SLC24A2: variants seen among roughly 807,000 people sequenced by gnomAD.
SLC24A2 encodes solute carrier family 24 member 2, also known as sodium/potassium/calcium exchanger 2.
In SLC24A2, 36 loss-of-function variants were observed where a neutral mutation model predicts 62.0. That is an observed-to-expected ratio of 0.58 (90% CI 0.44 to 0.77). SLC24A2 has a LOEUF of 0.77. SLC24A2 is among the 30% of genes least tolerant of loss of function. The probability of loss-of-function intolerance (pLI) is 0.00; values close to 1 mark genes in which losing one functional copy is unlikely to be tolerated. For missense variants in SLC24A2, 846 were observed against 817.9 expected (o/e 1.03, Z -0.42); for synonymous variants, 358 against 294.0 (o/e 1.22, Z -2.23).
chr9:20,016,109 G>A, the SLC24A2 span, among the ~76,000 whole-genome samples: 32 of 152,278 alleles, frequency 2.1e-4, no homozygotes, highest in African/African-American at 7.5e-4. Context: ...TGAACTATAA[G>A]AGGAATGTAT....
the SLC24A2 span, among the ~76,000 whole-genome samples, chr9:19,908,398 G>A: frequency 2.0e-5 from 3 of 151,986 alleles, no homozygotes; most frequent in Admixed American, 2.0e-4. Flanking sequence ...GAAAACCTAG[G>A]CAATACCATT....
At chr9:19,774,180 T>A (rs1469709789) in intron 2 of SLC24A2, among the ~76,000 whole-genome samples, 2 of 151,978 alleles carry the variant, frequency 1.3e-5, no homozygotes, top group Non-Finnish European at 2.9e-5. Flanking sequence ...CCAGGAGAAG[T>A]GTATCTTTGG....
At chr9:20,268,081 G>A in the SLC24A2 span, among the ~76,000 whole-genome samples, 1,189 of 152,314 alleles carry the variant, frequency 7.8e-3, 12 homozygotes, top group African/African-American at 0.026. Flanking sequence ...TGGGAAATGA[G>A]TAGCCTGAGG....
chr9:19,523,757 C>G (rs1438967587), intron 9 of SLC24A2, among the ~76,000 whole-genome samples: 1 of 152,114 alleles, frequency 6.6e-6, no homozygotes, highest in Non-Finnish European at 1.5e-5. Context: ...GCCACGGCAC[C>G]CAGCCAAAAA....
intron 2 of SLC24A2, among the ~76,000 whole-genome samples, chr9:19,748,635 G>C (rs1301218990): frequency 6.6e-6 from 1 of 151,996 alleles, no homozygotes; most frequent in Non-Finnish European, 1.5e-5. Flanking sequence ...CCTTCATCTA[G>C]GCAGCCTAGG....
intron 7 of SLC24A2, among the ~76,000 whole-genome samples, chr9:19,559,930 A>C (rs1371852766): frequency 6.6e-6 from 1 of 152,176 alleles, no homozygotes; most frequent in Non-Finnish European, 1.5e-5. Flanking sequence ...AAAATTATTC[A>C]CTACTGGGTT....
the SLC24A2 span, among the ~76,000 whole-genome samples, chr9:20,283,071 C>A: frequency 1.3e-5 from 2 of 152,208 alleles, no homozygotes; most frequent in African/African-American, 4.8e-5. Flanking sequence ...TCTTCCTATC[C>A]TTAGCAAGAG....
At chr9:19,552,476 C>T (rs7034980) in intron 7 of SLC24A2, among the ~76,000 whole-genome samples, 126,590 of 152,112 alleles carry the variant, frequency 0.83, 52,892 homozygotes, top group East Asian at 1. Context: ...CCTTGGGGTA[C>T]TGCATCATTC....
At chr9:19,815,441 C>T in the SLC24A2 span, among the ~76,000 whole-genome samples, 1 of 152,092 alleles carries the variant, frequency 6.6e-6, no homozygotes, top group Non-Finnish European at 1.5e-5. Flanking sequence ...CCTGTTCCTT[C>T]CTAATTGTCA....
At chr9:20,202,050 GGTGTGTGTGTGTGTGTGTGT>G in the SLC24A2 span, among the ~76,000 whole-genome samples, 8 of 141,782 alleles carry the variant, frequency 5.6e-5, no homozygotes, top group South Asian at 9.4e-4. Context: ...CCCATTTCAT[GGTGTGTGTGTGTGTGTGTGT>G]GTGTGTGTGT....
chr9:19,526,919 G>A (rs1411283558), intron 9 of SLC24A2, among the ~76,000 whole-genome samples: 2 of 152,008 alleles, frequency 1.3e-5, no homozygotes, highest in Admixed American at 1.3e-4. Flanking sequence ...CTCTTTGCCT[G>A]GCTTATGGTC....
the SLC24A2 span, among the ~76,000 whole-genome samples, chr9:20,097,147 A>C: frequency 1.2e-3 from 179 of 152,244 alleles, 1 homozygote; most frequent in African/African-American, 4.2e-3. Context: ...CAGCTATGAG[A>C]ATTAGCTCTG....
chr9:19,866,728 C>G, the SLC24A2 span, among the ~76,000 whole-genome samples: 1 of 147,320 alleles, frequency 6.8e-6, no homozygotes, highest in Non-Finnish European at 1.5e-5. Context: ...GCTCCGCCTC[C>G]CAGGTTCATG....
chr9:20,136,727 G>A, the SLC24A2 span, among the ~76,000 whole-genome samples: 1 of 152,002 alleles, frequency 6.6e-6, no homozygotes, highest in Non-Finnish European at 1.5e-5. Context: ...CATAACAATA[G>A]CAATGATTCA....
chr9:20,175,187 G>T, the SLC24A2 span, among the ~76,000 whole-genome samples: 4,198 of 151,980 alleles, frequency 0.028, 165 homozygotes, highest in African/African-American at 0.083. Flanking sequence ...TAAGCTATGA[G>T]GATGTGAAGA....
At chr9:19,805,738 G>A in the SLC24A2 span, among the ~76,000 whole-genome samples, 1 of 150,736 alleles carries the variant, frequency 6.6e-6, no homozygotes, top group African/African-American at 2.4e-5. Context: ...GGCATCTAGG[G>A]AGTCAGGCTA....
At chr9:19,668,388 C>T (rs1397991493) in intron 2 of SLC24A2, among the ~76,000 whole-genome samples, 2 of 152,158 alleles carry the variant, frequency 1.3e-5, no homozygotes. Context: ...CAGTGCTCCT[C>T]CCTGCTGCCT....
chr9:19,879,115 A>G, the SLC24A2 span, among the ~76,000 whole-genome samples: 11,831 of 152,062 alleles, frequency 0.078, 677 homozygotes, highest in African/African-American at 0.16. Context: ...TGTTGAATGC[A>G]TCCCCTCCCA....
At chr9:19,867,786 T>C in the SLC24A2 span, among the ~76,000 whole-genome samples, 1 of 152,152 alleles carries the variant, frequency 6.6e-6, no homozygotes, top group African/African-American at 2.4e-5. Flanking sequence ...TGCACGCCTG[T>C]AGTCCCAGCT....
Sources: allele counts gnomAD v4.1 joint callset (sites outside exome capture counted in the v4.1 genomes callset), GRCh38; gene constraint gnomAD v4.1.1; transcripts MANE v1.5; gene names NCBI Gene and HGNC (gene_info 2026-07-23, HGNC 2026-07-21).